Variants in BMPR1B observed in about 807,000 individuals in gnomAD.
The protein encoded by BMPR1B is bone morphogenetic protein receptor type-1B.
Under a neutral mutation model 59.1 loss-of-function variants are expected in BMPR1B, and 12 were observed. The ratio of observed to expected loss-of-function variants is 0.20; its 90% confidence interval spans 0.13 to 0.33. The LOEUF (loss-of-function observed/expected upper bound fraction) is 0.33, where lower values mean the gene tolerates loss of function less well. Ranked by LOEUF, BMPR1B falls within the 10% of genes least tolerant of loss-of-function variation. The probability of loss-of-function intolerance (pLI) is 1.00; values close to 1 mark genes in which losing one functional copy is unlikely to be tolerated. For missense variants in BMPR1B, 550 were observed against 610.9 expected (o/e 0.90, Z 1.05); for synonymous variants, 237 against 207.3 (o/e 1.14, Z -1.23).
chr4:95,022,205 C>G (rs1025915895), intron 3 of BMPR1B, among the ~76,000 whole-genome samples: 5 of 152,124 alleles, frequency 3.3e-5, no homozygotes, highest in Non-Finnish European at 7.4e-5. Context: ...TCTTTTTACA[C>G]CACCATATGG....
intron 6 of BMPR1B, among the ~76,000 whole-genome samples, chr4:95,119,543 C>G (rs1295217105): frequency 2.0e-5 from 3 of 152,120 alleles, no homozygotes; most frequent in Non-Finnish European, 4.4e-5. Context: ...ATATATAATT[C>G]CTGTTTGTCC....
chr4:95,004,304 C>T (rs571836131), intron 3 of BMPR1B, among the ~76,000 whole-genome samples: 1 of 152,032 alleles, frequency 6.6e-6, no homozygotes. Flanking sequence ...ATCACTCTGC[C>T]CTTTGTTGAT....
intron 1 of BMPR1B, among the ~76,000 whole-genome samples, chr4:94,843,868 A>G (rs34022607): frequency 0.041 from 6,200 of 152,230 alleles, 183 homozygotes; most frequent in Non-Finnish European, 0.067. Flanking sequence ...TTCCTAGTGC[A>G]CTTCCAGTTT....
rs1215939344 is a variant in BMPR1B at position 94,770,182 on chromosome 4, G to GTTTTTTTTT, written c.-183+12117_-183+12118insTTTTTTTTT. Among the ~76,000 whole-genome samples the GTTTTTTTTT allele has an allele frequency of 8.0e-3, 317 of 39,766 alleles. 15 individuals are homozygous for GTTTTTTTTT. The highest frequency in any genetic ancestry group is 0.012 in the South Asian group (15 of 1,282). 26.1% of individuals were successfully genotyped at this position (39,766 alleles called of 152,430 possible). A position where few individuals can be genotyped will look rare whatever the true frequency, so the allele number is the denominator to read the frequency against. ...TGTTTGAATTGTCCTTCGTTTCTGT[G>GTTTTTTTTT]TTTGTTTTTTTTTTTTTTTTTTGCG... is the stretch of plus-strand genomic sequence containing the variant. On this transcript the variant is annotated intron_variant, in intron 1 of 12. Transcript: ENST00000515059.
chr4:94,845,258 A>G (rs548305798), intron 1 of BMPR1B, among the ~76,000 whole-genome samples: 1 of 152,270 alleles, frequency 6.6e-6, no homozygotes, highest in East Asian at 1.9e-4. Flanking sequence ...TTTCGGTTCA[A>G]TATCAGGCAG....
At chr4:94,808,892 T>C (rs780926070) in intron 1 of BMPR1B, among the ~76,000 whole-genome samples, 17 of 152,054 alleles carry the variant, frequency 1.1e-4, no homozygotes, top group Non-Finnish European at 2.1e-4. Context: ...CCATCTCTAC[T>C]AAAAATACAA....
chr4:95,121,785 C>T (rs1000429710), intron 6 of BMPR1B, among the ~76,000 whole-genome samples: 1 of 151,896 alleles, frequency 6.6e-6, no homozygotes, highest in Non-Finnish European at 1.5e-5. Flanking sequence ...ATAGAAATTA[C>T]TGTTACCTTT....
rs571274690 is a variant in BMPR1B, at chr4:94,775,109, C to G, written c.-183+17041C>G. 2.6e-5 allele frequency among the ~76,000 whole-genome samples: 4 copies of G among 152,256 alleles called. No individual in the cohort carries two copies. In the South Asian group the frequency reaches 8.3e-4, roughly 32 times the overall value. On this transcript the variant is annotated intron_variant, in intron 1 of 12. Coordinates refer to ENST00000515059, the MANE Select transcript of BMPR1B (RefSeq NM_001203.3). ...ATATCTGAGTTTGTATTCCAGCTTTCCCACTCAGTGTCCTCATCTGTAGAA... is the reference window on the plus strand; with the variant it reads ...ATATCTGAGTTTGTATTCCAGCTTTGCCACTCAGTGTCCTCATCTGTAGAA...
intron 10 of BMPR1B, among the ~76,000 whole-genome samples, chr4:95,145,998 A>G (rs187854425): frequency 1.2e-3 from 183 of 152,364 alleles, no homozygotes; most frequent in African/African-American, 4.2e-3. Flanking sequence ...CATTTAAAGT[A>G]CATTATTTTC....
chr4:95,154,567 A>G lies in BMPR1B; in HGVS notation c.1403A>G (p.Lys468Arg). The part of the protein sequence containing the change: ...SSDECLRQMG[K>R]LMTECWAHNP... ...CCTCAGTGTCTAAGGCAGATGGGAA[A>G]ACTCATGACAGAATGCTGGGCTCAC... is the stretch of plus-strand genomic sequence containing the variant. The change falls in exon 13 of 13, where the codon AAA becomes AGA. Residue 468 changes from lysine (K) to arginine (R), a missense_variant. Coordinates refer to ENST00000515059, the MANE Select transcript of BMPR1B (RefSeq NM_001203.3). 1.9e-6 allele frequency: 3 copies of G among 1,614,148 alleles called. No individual in the cohort carries two copies. Among genetic ancestry groups the G allele is most frequent in the African/African-American group, 1.3e-5 (1 of 75,046 alleles).
At position 95,155,835 on chromosome 4, in the gene BMPR1B, C is replaced by T. The variant is rs1020957741; in HGVS notation, c.*1162C>T. 1.1e-4 allele frequency: 16 copies of T among 152,024 alleles called. No homozygotes were observed. The highest frequency in any genetic ancestry group is 3.4e-4 in the African/African-American group (14 of 41,368). 9.4% of individuals were successfully genotyped at this position (152,024 alleles called of 1,614,324 possible). On this transcript the variant is annotated 3_prime_UTR_variant, in exon 13 of 13. Coordinates refer to ENST00000515059, the MANE Select transcript of BMPR1B (RefSeq NM_001203.3). ...AGATAAGGGATAGAGAGGAAACATC[C>T]GTCAGGCTAATTTAACTACATTTTA... is the stretch of plus-strand genomic sequence containing the variant.
intron 3 of BMPR1B, among the ~76,000 whole-genome samples, chr4:95,010,096 C>T (rs1357407120): frequency 6.6e-6 from 1 of 152,064 alleles, no homozygotes; most frequent in African/African-American, 2.4e-5. Context: ...TGTTGTCTGA[C>T]CTGGCTAATT....
chr4:94,796,830 A>G (rs1053445745), intron 1 of BMPR1B, among the ~76,000 whole-genome samples: 4 of 152,204 alleles, frequency 2.6e-5, no homozygotes, highest in Admixed American at 2.0e-4. Flanking sequence ...AAGCTCGAAG[A>G]TAATTTTTGT....
chr4:94,943,120 C>T (rs1422759126), intron 2 of BMPR1B, among the ~76,000 whole-genome samples: 9 of 151,704 alleles, frequency 5.9e-5, no homozygotes, highest in Admixed American at 2.0e-4. Context: ...GGAAATCAGT[C>T]GGCCTGGATA....
At chr4:94,936,669 A>G (rs1045243557) in intron 2 of BMPR1B, among the ~76,000 whole-genome samples, 1 of 152,184 alleles carries the variant, frequency 6.6e-6, no homozygotes, top group Admixed American at 6.5e-5. Flanking sequence ...TGAGAACTAC[A>G]GTTTTAAAGA....
At chr4:94,766,289 C>T (rs1054366996) in intron 1 of BMPR1B, among the ~76,000 whole-genome samples, 1 of 151,846 alleles carries the variant, frequency 6.6e-6, no homozygotes, top group African/African-American at 2.4e-5. Context: ...TTGATACAAA[C>T]AATTGGCTAA....
At chr4:94,968,840 A>T (rs1730662217) in intron 2 of BMPR1B, among the ~76,000 whole-genome samples, 1 of 152,112 alleles carries the variant, frequency 6.6e-6, no homozygotes, top group Non-Finnish European at 1.5e-5. Context: ...TAGGAAAAAG[A>T]TAGGGATTTG....
chr4:95,049,873 G>A (rs1305844941), intron 3 of BMPR1B, among the ~76,000 whole-genome samples: 1 of 151,942 alleles, frequency 6.6e-6, no homozygotes, highest in Non-Finnish European at 1.5e-5. Context: ...AAATCAGCTT[G>A]CACATAGTTC....
intron 2 of BMPR1B, among the ~76,000 whole-genome samples, chr4:94,897,101 C>A (rs1216855731): frequency 1.3e-5 from 2 of 151,916 alleles, no homozygotes; most frequent in Non-Finnish European, 2.9e-5. Flanking sequence ...CCTTGTTTTT[C>A]TGAAGCTCTC....
Sources: allele counts gnomAD v4.1 joint callset (sites outside exome capture counted in the v4.1 genomes callset), GRCh38; gene constraint gnomAD v4.1.1; transcripts MANE v1.5; gene names NCBI Gene and HGNC (gene_info 2026-07-23, HGNC 2026-07-21).